CD163L1: variants seen among roughly 807,000 people sequenced by gnomAD.
The protein encoded by CD163L1 is CD163 molecule like 1, also known as scavenger receptor cysteine-rich type 1 protein M160.
A neutral mutation model predicts 165.4 loss-of-function variants in CD163L1; 124 were observed. The ratio of observed to expected loss-of-function variants is 0.75; its 90% CI spans 0.65 to 0.87. The LOEUF is 0.87. Ranked by LOEUF, CD163L1 falls within the 40% of genes least tolerant of loss-of-function variation. The pLI, the probability that CD163L1 is intolerant of heterozygous loss-of-function variation, is 0.00. For synonymous variants in CD163L1, 585 were observed against 662.2 expected, an observed-to-expected ratio of 0.88 and a Z score of 1.79; for missense variants, 1,525 against 1,799.9, an observed-to-expected ratio of 0.85 and a Z score of 2.76.
intron 7 of CD163L1, among the ~76,000 whole-genome samples, chr12:7,397,634 C>T (rs759400185): frequency 2.2e-4 from 34 of 152,116 alleles, no homozygotes; most frequent in Non-Finnish European, 4.7e-4. Context: ...TGAATCTCTC[C>T]TGAGATAACT....
intron 18 of CD163L1, among the ~76,000 whole-genome samples, chr12:7,362,017 T>C (rs959030076): frequency 2.6e-5 from 4 of 151,550 alleles, no homozygotes; most frequent in African/African-American, 9.7e-5. Context: ...TATTTATCTT[T>C]TTCCGGCTGA....
At chr12:7,415,347 ATAC>A (rs1258125641) in intron 4 of CD163L1, among the ~76,000 whole-genome samples, 1 of 152,194 alleles carries the variant, frequency 6.6e-6, no homozygotes, top group African/African-American at 2.4e-5. Flanking sequence ...GAATCAAAGA[ATAC>A]TACTACAAAA....
Position 7,398,772 on chromosome 12 carries a change from T to A in CD163L1, c.1409-188A>T, listed in dbSNP as rs188602410. ...TTATTCAATTTTTGGAGAGAAGGTGTCTCTAAAGCATGAAACGACGACAGC... is the reference window on the plus strand; with the variant it reads ...TTATTCAATTTTTGGAGAGAAGGTGACTCTAAAGCATGAAACGACGACAGC... On this transcript the variant is annotated intron_variant, in intron 6 of 19. Transcript: ENST00000313599. This position sits in a 1 kb window ranked among gnomAD's most constrained non-coding sequence, Gnocchi z 4.5. Among the ~76,000 whole-genome samples, 60 of 152,292 alleles carry A rather than the reference T, an allele frequency of 3.9e-4. No homozygotes were observed. The highest frequency in any genetic ancestry group is 7.2e-4 in the Non-Finnish European group (49 of 68,022).
intron 8 of CD163L1, among the ~76,000 whole-genome samples, chr12:7,393,287 T>TA (rs749055812): frequency 2.0e-5 from 3 of 152,084 alleles, no homozygotes; most frequent in Non-Finnish European, 2.9e-5. Flanking sequence ...TCAACAAACA[T>TA]AATCCATCAC....
At chr12:7,424,981 A>C (rs1948515460) in intron 4 of CD163L1, among the ~76,000 whole-genome samples, 1 of 152,202 alleles carries the variant, frequency 6.6e-6, no homozygotes, top group Non-Finnish European at 1.5e-5. Flanking sequence ...ACTAGAAAAA[A>C]CTACGTTAAA....
At chr12:7,365,495 A>C (rs771912542) in intron 18 of CD163L1, among the ~76,000 whole-genome samples, 1 of 152,278 alleles carries the variant, frequency 6.6e-6, no homozygotes, top group Non-Finnish European at 1.5e-5. Context: ...GAGTGGGAGA[A>C]ATATTTTTAA....
At chr12:7,423,538 G>T (rs114749801) in intron 4 of CD163L1, among the ~76,000 whole-genome samples, 13,901 of 151,988 alleles carry the variant, frequency 0.091, 1,080 homozygotes, top group African/African-American at 0.2. Flanking sequence ...ATCAACCCAG[G>T]AGCTGGTTTT....
chr12:7,320,850 A>G, the CD163L1 span: 6 of 1,467,094 alleles, frequency 4.1e-6, no homozygotes, highest in South Asian at 4.6e-5. Flanking sequence ...AATAGCTACC[A>G]TCCAGGATCA....
intron 18 of CD163L1, among the ~76,000 whole-genome samples, chr12:7,359,856 G>C (rs1404724305): frequency 6.6e-6 from 1 of 151,938 alleles, no homozygotes; most frequent in African/African-American, 2.4e-5. Context: ...ATTGTTTCCT[G>C]ACCCCTTTAG....
In CD163L1 at chr12:7,399,203, TTC is replaced by T. The variant is rs1326521169; in HGVS notation, c.1409-621_1409-620del. On this transcript the variant is annotated intron_variant, in intron 6 of 19. Transcript: ENST00000313599. ...CCCTCTTTTCTTTTCCTTTTCTTCT[TTC>T]TCTTTTTTTCTTCCTTTCTCTGTCT... Among the ~76,000 whole-genome samples, 9 of 150,988 alleles carry T rather than the reference TTC, an allele frequency of 6.0e-5. No homozygotes were observed. The South Asian group carries it at 8.5e-4, about 14-fold the overall frequency.
At chr12:7,406,974 TCTTG>T in intron 4 of CD163L1, 122 bp from the exon 5 acceptor site, 3 of 901,826 alleles carry the variant, frequency 3.3e-6, no homozygotes, top group Non-Finnish European at 5.1e-6. Flanking sequence ...AATGTCTAAC[TCTTG>T]CTTTTTAAAA....
At chr12:7,327,835 C>CA in the CD163L1 span, among the ~76,000 whole-genome samples, 1 of 152,034 alleles carries the variant, frequency 6.6e-6, no homozygotes, top group Non-Finnish European at 1.5e-5. Flanking sequence ...GAGAAGAGAA[C>CA]AAAAAGAGGA....
intron 8 of CD163L1, among the ~76,000 whole-genome samples, chr12:7,389,795 A>C (rs1232793448): frequency 6.6e-6 from 1 of 151,902 alleles, no homozygotes; most frequent in Non-Finnish European, 1.5e-5. Flanking sequence ...TATACCTAGC[A>C]TGTACCCACA....
At chr12:7,357,669 T>C in intron 18 of CD163L1, 183 bp from the exon 19 acceptor site, 2 of 439,216 alleles carry the variant, frequency 4.6e-6, no homozygotes, top group Non-Finnish European at 8.3e-6. Flanking sequence ...TTTAAAAGGA[T>C]AAACCATTAA....
chr12:7,341,566 A>G, the CD163L1 span, among the ~76,000 whole-genome samples: 1 of 152,172 alleles, frequency 6.6e-6, no homozygotes, highest in Non-Finnish European at 1.5e-5. Context: ...TACAATCTGT[A>G]TCTCTTGCAT....
rs1035322603 is a variant in CD163L1 at position 7,372,483 on chromosome 12, A to T, written c.3730+837T>A. On this transcript the variant is annotated intron_variant, in intron 14 of 19. Coordinates refer to ENST00000313599, the MANE Select transcript of CD163L1 (RefSeq NM_174941.6). The surrounding 1 kb of genome is among the most constrained non-coding windows in gnomAD (Gnocchi z 4.2). The stretch of plus-strand genomic sequence containing the variant: ...AGAAATAGCCTTAATACCAATAATC[A>T]CATGGTTATTTATGTTCACATGATA... Among the ~76,000 whole-genome samples, 3 of 152,014 alleles carry T rather than the reference A, an allele frequency of 2.0e-5. No individual in the cohort carries two copies. Among genetic ancestry groups the T allele is most frequent in the Admixed American group, 2.0e-4 (3 of 15,268 alleles).
intron 18 of CD163L1, among the ~76,000 whole-genome samples, chr12:7,358,455 G>A (rs1946824460): frequency 6.6e-6 from 1 of 151,904 alleles, no homozygotes; most frequent in Admixed American, 6.6e-5. Context: ...AAAATACCAG[G>A]GAATACAATG....
the CD163L1 span, among the ~76,000 whole-genome samples, chr12:7,337,343 T>G: frequency 6.6e-6 from 1 of 151,996 alleles, no homozygotes; most frequent in Non-Finnish European, 1.5e-5. Flanking sequence ...CTAAAGAGCT[T>G]TTGCACAGCA....
chr12:7,332,806 C>T, the CD163L1 span, among the ~76,000 whole-genome samples: 10 of 152,240 alleles, frequency 6.6e-5, no homozygotes, highest in Admixed American at 1.3e-4. Flanking sequence ...AAAGGAACAA[C>T]CAGTACTAGC....
Sources: gnomAD v4.1 joint callset for allele counts (sites outside exome capture counted in the v4.1 genomes callset) on GRCh38, gnomAD v4.1.1 for gene constraint, Gnocchi (gnomAD v3.1) non-coding constraint, MANE v1.5 for transcripts, NCBI Gene and HGNC (gene_info 2026-07-23, HGNC 2026-07-21) for gene names.